The following ZKSCAN7 variants were observed in gnomAD, a reference collection of about 807,000 sequenced individuals.
ZKSCAN7 encodes the protein zinc finger with KRAB and SCAN domains 7, also known as zinc finger protein with KRAB and SCAN domains 7.
Under a neutral mutation model 65.3 loss-of-function variants are expected in ZKSCAN7, and 38 were observed. The ratio of observed to expected loss-of-function variants is 0.58; its 90% CI spans 0.45 to 0.76. ZKSCAN7 has a LOEUF of 0.76. ZKSCAN7 is among the 30% of genes least tolerant of loss of function. The pLI is 0.00. For missense variants in ZKSCAN7, 815 were observed against 913.3 expected (o/e 0.89, Z 1.39); for synonymous variants, 321 against 321.0 (o/e 1.00, Z 0.00).
Position 44,557,859 on chromosome 3 carries a change from A to G in ZKSCAN7, c.423+389A>G, listed in dbSNP as rs545413418. Among the ~76,000 whole-genome samples the G allele has an allele frequency of 3.2e-4, 49 of 152,206 alleles. No homozygotes were observed. The South Asian group carries it at 9.5e-3, about 30-fold the overall frequency. On this transcript the variant is annotated intron_variant, in intron 2 of 5. Coordinates refer to ENST00000426540, the MANE Select transcript of ZKSCAN7 (RefSeq NM_001288590.2). ...CACTTCCTTGGACTTCTCAGAGTCAATTTTCTCTTTTTCTGCCTCTTTGAT... is the reference window on the plus strand; with the variant it reads ...CACTTCCTTGGACTTCTCAGAGTCAGTTTTCTCTTTTTCTGCCTCTTTGAT...
chr3:44,559,827 C>T (rs1699413115), intron 2 of ZKSCAN7, among the ~76,000 whole-genome samples: 2 of 152,194 alleles, frequency 1.3e-5, no homozygotes, highest in Non-Finnish European at 2.9e-5. Flanking sequence ...ATTAGCAGTA[C>T]ACATTTGTCA....
At chr3:44,568,842 G>A (rs1273250572) in intron 5 of ZKSCAN7, among the ~76,000 whole-genome samples, 1 of 152,238 alleles carries the variant, frequency 6.6e-6, no homozygotes, top group Non-Finnish European at 1.5e-5. Context: ...CAGTGTGAAT[G>A]TAATGCAGCT....
At chr3:44,573,200 C>G (rs1699855452), downstream of ZKSCAN7, among the ~76,000 whole-genome samples, 1 of 152,246 alleles carries the variant, frequency 6.6e-6, no homozygotes, top group Non-Finnish European at 1.5e-5. Flanking sequence ...GCTTGAACAA[C>G]TTTTCCCTTC....
At chr3:44,555,567 T>C (rs1291943677) in intron 1 of ZKSCAN7, 86 bp downstream of exon 1, 1 of 152,198 alleles carries the variant, frequency 6.6e-6, no homozygotes, top group African/African-American at 2.4e-5. Context: ...GTATGAACTG[T>C]CATATTTGGG....
In ZKSCAN7 at chr3:44,570,416, G is replaced by T; in HGVS notation, c.1306G>T (p.Glu436Ter). The T allele has an allele frequency of 6.2e-7, 1 of 1,614,002 alleles. No individual in the cohort carries two copies. Among genetic ancestry groups the T allele is most frequent in the South Asian group, 1.1e-5 (1 of 91,066 alleles). Residue 436 changes from glutamate (E) to a stop codon, truncating the protein, a stop_gained, in exon 6 of 6, where the codon GAA becomes TAA. Transcript: ENST00000426540. LOFTEE classifies it high-confidence loss of function. The part of the protein sequence containing the change: ...LIVHLRTHTG[E>*]KPYECSECGK... ...TGTTCATCTCAGAACCCACACAGGG[G>T]AAAAACCCTATGAATGCAGTGAGTG...
intron 2 of ZKSCAN7, among the ~76,000 whole-genome samples, chr3:44,562,762 C>T (rs1369404933): frequency 3.9e-5 from 6 of 152,086 alleles, no homozygotes; most frequent in Admixed American, 3.9e-4. Flanking sequence ...GCAGGTGGAT[C>T]ACGAGGTCAG....
At chr3:44,569,350 G>A (rs984777495) in intron 5 of ZKSCAN7, among the ~76,000 whole-genome samples, 2 of 152,316 alleles carry the variant, frequency 1.3e-5, no homozygotes, top group Non-Finnish European at 2.9e-5. Flanking sequence ...TGTGGTTGAC[G>A]AGTTTAGGGC....
intron 2 of ZKSCAN7, among the ~76,000 whole-genome samples, chr3:44,565,189 G>C (rs1322376979): frequency 6.6e-6 from 1 of 152,128 alleles, no homozygotes; most frequent in Non-Finnish European, 1.5e-5. Context: ...CTTTTTAAAT[G>C]GTTCTTCATA....
chr3:44,575,270 T>C, downstream of ZKSCAN7, among the ~76,000 whole-genome samples: 1 of 152,218 alleles, frequency 6.6e-6, no homozygotes, highest in Non-Finnish European at 1.5e-5. Flanking sequence ...CAATCTAGCC[T>C]AGGCAATGAG....
intron 2 of ZKSCAN7, among the ~76,000 whole-genome samples, chr3:44,558,848 T>C (rs1699379686): frequency 7.2e-6 from 1 of 139,700 alleles, no homozygotes; most frequent in South Asian, 2.2e-4. Context: ...GGCATGAACA[T>C]GGCTCACTGC....
intron 2 of ZKSCAN7, among the ~76,000 whole-genome samples, chr3:44,559,694 T>C (rs1406097000): frequency 1.3e-5 from 2 of 152,190 alleles, no homozygotes; most frequent in African/African-American, 4.8e-5. Flanking sequence ...CCCAAAGTGC[T>C]GGAATTACAG....
downstream of ZKSCAN7, chr3:44,572,208 C>T: frequency 1.0e-6 from 1 of 985,396 alleles, no homozygotes; most frequent in Non-Finnish European, 1.2e-6. Context: ...TCTCCCCTCC[C>T]CAGCTGGACC....
intron 2 of ZKSCAN7, among the ~76,000 whole-genome samples, chr3:44,561,840 C>T (rs984006416): frequency 1.3e-5 from 2 of 152,218 alleles, no homozygotes. Flanking sequence ...GGCATCCTGG[C>T]CCCTGTGGCT....
Position 44,556,945 on chromosome 3 carries a change from C to G in ZKSCAN7, c.-103C>G. The G allele has an allele frequency of 1.4e-6, 2 of 1,471,466 alleles. No homozygotes were observed. The highest frequency in any genetic ancestry group is 2.3e-5 in the South Asian group (2 of 85,188). 91.2% of individuals were successfully genotyped at this position (1,471,466 alleles called of 1,614,324 possible). ...GTTTCTGTAGGCCACACTACCATCACCCCTTTCTCCAACCCTGAAAAACAG... is the reference window on the plus strand; with the variant it reads ...GTTTCTGTAGGCCACACTACCATCAGCCCTTTCTCCAACCCTGAAAAACAG... On this transcript the variant is annotated 5_prime_UTR_variant, in exon 2 of 6. Coordinates refer to ENST00000426540, the MANE Select transcript of ZKSCAN7 (RefSeq NM_001288590.2).
chr3:44,559,657 G>A (rs1699405487), intron 2 of ZKSCAN7, among the ~76,000 whole-genome samples: 1 of 152,120 alleles, frequency 6.6e-6, no homozygotes, highest in South Asian at 2.1e-4. Context: ...GAACTCCTGA[G>A]CTCAAGAAAG....
At chr3:44,573,380 A>G (rs909624619), downstream of ZKSCAN7, among the ~76,000 whole-genome samples, 1 of 152,012 alleles carries the variant, frequency 6.6e-6, no homozygotes, top group Non-Finnish European at 1.5e-5. Flanking sequence ...GATTTTTTTG[A>G]GGTGTGGTGT....
At chr3:44,566,114 G>A (rs938550966) in intron 3 of ZKSCAN7, among the ~76,000 whole-genome samples, 3 of 152,228 alleles carry the variant, frequency 2.0e-5, no homozygotes, top group African/African-American at 7.2e-5. Flanking sequence ...CTTCATGAAG[G>A]AGGTAGCAGA....
intron 5 of ZKSCAN7, chr3:44,580,922 G>A (rs1472729460): frequency 1.9e-5 from 31 of 1,613,156 alleles, no homozygotes; most frequent in Middle Eastern, 1.9e-4. Flanking sequence ...GGTCCTCGTC[G>A]TTGAGGAGAT....
chr3:44,568,254 C>T (rs1238732689), intron 4 of ZKSCAN7, 53 bp from the exon 5 acceptor site: 1 of 1,593,122 alleles, frequency 6.3e-7, no homozygotes, highest in Non-Finnish European at 8.5e-7. Context: ...CCCCTGATGA[C>T]TCTGCCCTTC....
Sources: gnomAD v4.1 joint callset for allele counts (sites outside exome capture counted in the v4.1 genomes callset) on GRCh38, gnomAD v4.1.1 for gene constraint, MANE v1.5 for transcripts, NCBI Gene and HGNC (gene_info 2026-07-23, HGNC 2026-07-21) for gene names.